DIAPH3: variants seen among roughly 807,000 people sequenced by gnomAD.
DIAPH3 encodes the protein protein diaphanous homolog 3.
In DIAPH3, 117 loss-of-function variants were observed where a neutral mutation model predicts 144.3. The ratio of observed to expected loss-of-function variants is 0.81; its 90% confidence interval spans 0.70 to 0.95. The LOEUF is 0.95. Among genes scored for constraint, DIAPH3 ranks in the 40% least tolerant of loss-of-function variants. The pLI is 0.00. For missense variants in DIAPH3, 1,421 were observed against 1,412.7 expected (o/e 1.01, Z -0.09); for synonymous variants, 519 against 488.9 (o/e 1.06, Z -0.81).
At chr13:59,903,707 A>G (rs1035533480) in intron 20 of DIAPH3, among the ~76,000 whole-genome samples, 1 of 152,228 alleles carries the variant, frequency 6.6e-6, no homozygotes, top group African/African-American at 2.4e-5. Flanking sequence ...AATCATCTAC[A>G]GATTCATTTT....
intron 27 of DIAPH3, among the ~76,000 whole-genome samples, chr13:59,738,655 C>T (rs1312530370): frequency 6.6e-6 from 1 of 152,058 alleles, no homozygotes; most frequent in Non-Finnish European, 1.5e-5. Flanking sequence ...AACCTATAAT[C>T]CCACTAATCC....
intron 27 of DIAPH3, among the ~76,000 whole-genome samples, chr13:59,668,403 T>C (rs1324713345): frequency 1.3e-5 from 2 of 152,214 alleles, no homozygotes; most frequent in Non-Finnish European, 2.9e-5. Flanking sequence ...TACATCATGA[T>C]GGTATCTCCA....
At chr13:59,802,664 A>ACTT (rs2039979617) in intron 25 of DIAPH3, among the ~76,000 whole-genome samples, 1 of 32,538 alleles carries the variant, frequency 3.1e-5, no homozygotes, top group Non-Finnish European at 5.4e-5. Context: ...TATTATTATT[A>ACTT]TTATTTTTTT....
chr13:59,717,405 C>T (rs1436744701), intron 27 of DIAPH3, among the ~76,000 whole-genome samples: 1 of 152,112 alleles, frequency 6.6e-6, no homozygotes, highest in Non-Finnish European at 1.5e-5. Context: ...ATCCAGTGAT[C>T]CATGGTGGCA....
At chr13:59,742,490 C>G (rs2036505784) in intron 27 of DIAPH3, among the ~76,000 whole-genome samples, 1 of 151,702 alleles carries the variant, frequency 6.6e-6, no homozygotes, top group South Asian at 2.1e-4. Context: ...TTATGACTTA[C>G]CTTAGATCAA....
chr13:59,980,959 T>A, intron 13 of DIAPH3, 100 bp from the exon 14 acceptor site: 1 of 903,266 alleles, frequency 1.1e-6, no homozygotes, highest in Non-Finnish European at 1.7e-6. Context: ...AATAATTAAA[T>A]ACTGATACTA....
At chr13:59,699,155 T>C (rs1240354606) in intron 27 of DIAPH3, among the ~76,000 whole-genome samples, 1 of 152,010 alleles carries the variant, frequency 6.6e-6, no homozygotes, top group Non-Finnish European at 1.5e-5. Flanking sequence ...TGTTATAGGG[T>C]GGTCAGTACA....
chr13:60,048,481 T>C lies in DIAPH3; in HGVS notation c.496-5661A>G, dbSNP rs74855833. Among the ~76,000 whole-genome samples, 1,165 of 152,334 alleles carry C rather than the reference T, an allele frequency of 7.6e-3. 13 individuals carry two copies. Among genetic ancestry groups the C allele is most frequent in the African/African-American group, 0.026 (1,076 of 41,574 alleles). On this transcript the variant is annotated intron_variant, in intron 4 of 27. Transcript: ENST00000400324. ...TCACCTGTCAGCAGAGGAATTCAAA[T>C]TGGAACAACAAATGAGGGAGTGCTA...
rs35111180 is a variant in DIAPH3 at position 59,870,165 on chromosome 13, C to CT, written c.2608-8630dup. ...TTGTGAAAGATATTAGGTCTGGCAA[C>CT]TTTTTTTTTTTTTAAATGTAGATGT... On this transcript the variant is annotated intron_variant, in intron 21 of 27. Coordinates refer to ENST00000400324, the MANE Select transcript of DIAPH3 (RefSeq NM_001042517.2). Among the ~76,000 whole-genome samples, 673 of 143,712 alleles carry CT rather than the reference C, an allele frequency of 4.7e-3. 4 individuals are homozygous for CT. The highest frequency in any genetic ancestry group is 0.012 in the African/African-American group (487 of 39,592). 94.3% of individuals were successfully genotyped at this position (143,712 alleles called of 152,430 possible). A position where few individuals can be genotyped will look rare whatever the true frequency, so the allele number is the denominator to read the frequency against.
chr13:59,735,390 AC>A (rs1467578740), intron 27 of DIAPH3, among the ~76,000 whole-genome samples: 1 of 152,228 alleles, frequency 6.6e-6, no homozygotes, highest in African/African-American at 2.4e-5. Context: ...AGTCCGTAAC[AC>A]CTTACTATGC....
intron 9 of DIAPH3, 55 bp downstream of exon 9, chr13:60,008,489 G>T: frequency 8.5e-7 from 1 of 1,182,244 alleles, no homozygotes; most frequent in Non-Finnish European, 1.3e-6. Flanking sequence ...TCATAAAACC[G>T]TTAAAAGTAA....
rs533990455 is a variant in DIAPH3 at position 59,953,761 on chromosome 13, C to T, written c.2074+16183G>A. Among the ~76,000 whole-genome samples the T allele has an allele frequency of 2.0e-5, 3 of 152,204 alleles. No individual in the cohort carries two copies. In the East Asian group the frequency reaches 5.8e-4, roughly 29 times the overall value. ...CTACAAATGCCAGACTGAGAAGTCCCTTTTCTTTTTAATCTTTTCGTATGT... is the reference window on the plus strand; with the variant it reads ...CTACAAATGCCAGACTGAGAAGTCCTTTTTCTTTTTAATCTTTTCGTATGT... On this transcript the variant is annotated intron_variant, in intron 17 of 27. Coordinates refer to ENST00000400324, the MANE Select transcript of DIAPH3 (RefSeq NM_001042517.2).
chr13:59,812,157 A>G (rs1028907650), intron 24 of DIAPH3, among the ~76,000 whole-genome samples: 1 of 152,174 alleles, frequency 6.6e-6, no homozygotes, highest in African/African-American at 2.4e-5. Context: ...GTTCTTCATT[A>G]AAAATCAAAT....
chr13:60,092,692 C>T (rs2057989061), intron 4 of DIAPH3, among the ~76,000 whole-genome samples: 1 of 151,984 alleles, frequency 6.6e-6, no homozygotes, highest in Non-Finnish European at 1.5e-5. Context: ...GCACAGTACT[C>T]ACAGTGATTT....
chr13:59,772,436 T>C (rs2038169811), intron 27 of DIAPH3, among the ~76,000 whole-genome samples: 1 of 152,132 alleles, frequency 6.6e-6, no homozygotes, highest in African/African-American at 2.4e-5. Context: ...CTTTGTGATA[T>C]ATCTTGTTCG....
At chr13:60,112,357 T>C (rs909537573) in intron 2 of DIAPH3, among the ~76,000 whole-genome samples, 171 bp from the exon 3 acceptor site, 15 of 152,042 alleles carry the variant, frequency 9.9e-5, no homozygotes, top group Non-Finnish European at 2.1e-4. Flanking sequence ...GTGGTGAAAA[T>C]TTTTCAGCAA....
chr13:59,706,607 CCTA>C (rs2034443597), intron 27 of DIAPH3, among the ~76,000 whole-genome samples: 1 of 152,004 alleles, frequency 6.6e-6, no homozygotes, highest in South Asian at 2.1e-4. Flanking sequence ...ATTTACAAAC[CCTA>C]CTATAGAACT....
chr13:59,864,409 C>G (rs755865644), intron 21 of DIAPH3, among the ~76,000 whole-genome samples: 2 of 152,064 alleles, frequency 1.3e-5, no homozygotes, highest in African/African-American at 2.4e-5. Flanking sequence ...TGTTCCTACT[C>G]TGAATTCTCG....
rs1231532711 is a variant in DIAPH3 at position 59,970,927 on chromosome 13, T to C, written c.1884A>G (p.Pro628=). 4 of 1,613,848 alleles carry C rather than the reference T, an allele frequency of 2.5e-6. No homozygotes were observed. Among genetic ancestry groups the C allele is most frequent in the Middle Eastern group, 1.7e-4 (1 of 5,970 alleles). Residue 628 remains proline, a synonymous_variant, in exon 16 of 28, where the codon CCA becomes CCG. Coordinates refer to ENST00000400324, the MANE Select transcript of DIAPH3 (RefSeq NM_001042517.2). ...TTGGTTTCAACCCAAATGGCAGGATTGGTAGAGGAGGAGAATTTTGTCCTC... is the reference window on the plus strand; with the variant it reads ...TTGGTTTCAACCCAAATGGCAGGATCGGTAGAGGAGGAGAATTTTGTCCTC... The part of the protein sequence containing the change: ...FLGGQNSPPL[P]ILPFGLKPKK...
Sources: gnomAD v4.1 joint callset for allele counts (sites outside exome capture counted in the v4.1 genomes callset) on GRCh38, gnomAD v4.1.1 for gene constraint, MANE v1.5 for transcripts, NCBI Gene and HGNC (gene_info 2026-07-23, HGNC 2026-07-21) for gene names.